CNOT7: variants seen among roughly 807,000 people sequenced by gnomAD.
CNOT7 encodes the protein CCR4-NOT transcription complex subunit 7.
In CNOT7, 4 loss-of-function variants were observed where a neutral mutation model predicts 37.1. The ratio of observed to expected loss-of-function variants is 0.11; its 90% CI spans 0.05 to 0.25. CNOT7 has a LOEUF of 0.25. Among genes scored for constraint, CNOT7 ranks in the 10% least tolerant of loss-of-function variants. The pLI, the probability that CNOT7 is intolerant of heterozygous loss-of-function variation, is 1.00. For missense variants in CNOT7, 170 were observed against 336.2 expected (o/e 0.51, Z 3.87); for synonymous variants, 128 against 115.6 (o/e 1.11, Z -0.69).
chr8:17,244,829 T>C, intron 2 of CNOT7: 1 of 486,914 alleles, frequency 2.1e-6, no homozygotes, highest in South Asian at 2.7e-5. Flanking sequence ...CCAGTGCGTT[T>C]TCCCTCACTG....
In CNOT7 at chr8:17,225,113, G is replaced by C. The variant is rs919389528; in HGVS notation, c.*5607C>G. On this transcript the variant is annotated 3_prime_UTR_variant, in exon 7 of 7. Coordinates refer to ENST00000361272, the MANE Select transcript of CNOT7 (RefSeq NM_013354.7). ...CCCATTAAAAGCACTTAAAACCTAT[G>C]ACATGGCTAGTAAGATGTAAAATAT... 3 of 151,702 alleles carry C rather than the reference G, an allele frequency of 2.0e-5. No homozygotes were observed. Among genetic ancestry groups the C allele is most frequent in the Admixed American group, 1.3e-4 (2 of 15,204 alleles). 9.4% of individuals were successfully genotyped at this position (151,702 alleles called of 1,614,324 possible). A position where few individuals can be genotyped will look rare whatever the true frequency, so the allele number is the denominator to read the frequency against.
chr8:17,243,770 T>G, intron 2 of CNOT7: 1 of 392,058 alleles, frequency 2.6e-6, no homozygotes. Context: ...CTCTTTATCA[T>G]CTGAGAAATC....
At chr8:17,243,232 A>G in intron 2 of CNOT7, 47 bp from the exon 3 acceptor site, 2 of 1,417,638 alleles carry the variant, frequency 1.4e-6, no homozygotes, top group Non-Finnish European at 1.9e-6. Context: ...AGTCAAAACT[A>G]CAATCCACAC....
In CNOT7 at chr8:17,228,304, A is replaced by G. The variant is rs1325566314; in HGVS notation, c.*2416T>C. On this transcript the variant is annotated 3_prime_UTR_variant, in exon 7 of 7. Transcript: ENST00000361272. ...TCAGTAACACTAAAATATCAGCCAAATATCTTACATCTGGAACCTAGACTT... is the reference window on the plus strand; with the variant it reads ...TCAGTAACACTAAAATATCAGCCAAGTATCTTACATCTGGAACCTAGACTT... 1 of 151,926 alleles carries G rather than the reference A, an allele frequency of 6.6e-6. No individual in the cohort carries two copies. The highest frequency in any genetic ancestry group is 1.5e-5 in the Non-Finnish European group (1 of 67,844). 9.4% of individuals were successfully genotyped at this position (151,926 alleles called of 1,614,324 possible). A position where few individuals can be genotyped will look rare whatever the true frequency, so the allele number is the denominator to read the frequency against.
At chr8:17,232,915 T>C (rs1000763516) in intron 5 of CNOT7, among the ~76,000 whole-genome samples, 1 of 152,186 alleles carries the variant, frequency 6.6e-6, no homozygotes, top group Non-Finnish European at 1.5e-5. Flanking sequence ...TAACACCATT[T>C]TTTTCATATT....
chr8:17,235,523 T>C (rs1435589385), intron 4 of CNOT7, among the ~76,000 whole-genome samples: 1 of 152,110 alleles, frequency 6.6e-6, no homozygotes, highest in Non-Finnish European at 1.5e-5. Context: ...ATAACTACTC[T>C]CTTGATCATA....
rs1808205560 is a variant in CNOT7 at position 17,227,035 on chromosome 8, C to G, written c.*3685G>C. The G allele has an allele frequency of 2.0e-5, 3 of 150,738 alleles. No individual in the cohort carries two copies. Among genetic ancestry groups the G allele is most frequent in the African/African-American group, 7.3e-5 (3 of 41,206 alleles). The allele number at this position is 150,738 out of a possible 1,614,324, so 9.3% of individuals were successfully genotyped here. A position where few individuals can be genotyped will look rare whatever the true frequency, so the allele number is the denominator to read the frequency against. On this transcript the variant is annotated 3_prime_UTR_variant, in exon 7 of 7. Transcript: ENST00000361272. ...TCACAAAAAAAAAAAAATCATGGAA[C>G]TGAAGATGGTTAAGTCCACAAGAGC... is the stretch of plus-strand genomic sequence containing the variant.
intron 4 of CNOT7, among the ~76,000 whole-genome samples, chr8:17,235,651 C>G (rs1211208425): frequency 6.6e-6 from 1 of 152,202 alleles, no homozygotes; most frequent in Non-Finnish European, 1.5e-5. Context: ...CCTTGTCTAC[C>G]TTTCCTTCCA....
chr8:17,242,139 G>A (rs924072204), intron 3 of CNOT7: 2 of 152,170 alleles, frequency 1.3e-5, no homozygotes, highest in Admixed American at 1.3e-4. Context: ...GAGGACCCGG[G>A]AGAAAATCCA....
chr8:17,236,231 G>A (rs538825350), intron 4 of CNOT7, among the ~76,000 whole-genome samples: 1 of 152,270 alleles, frequency 6.6e-6, no homozygotes, highest in South Asian at 2.1e-4. Context: ...ACAGATCAGA[G>A]ACAGAAACTA....
chr8:17,231,533 T>C, intron 6 of CNOT7: 5 of 985,196 alleles, frequency 5.1e-6, no homozygotes, highest in Non-Finnish European at 6.0e-6. Flanking sequence ...ACAGCTTTAA[T>C]GCTTTCTATT....
At chr8:17,243,992 C>T (rs1365450600) in intron 2 of CNOT7, among the ~76,000 whole-genome samples, 1 of 152,074 alleles carries the variant, frequency 6.6e-6, no homozygotes, top group Non-Finnish European at 1.5e-5. Flanking sequence ...CAAACTAGGG[C>T]TAGCTAAGAA....
intron 2 of CNOT7, among the ~76,000 whole-genome samples, chr8:17,243,953 C>A (rs533075948): frequency 7.0e-4 from 106 of 152,222 alleles, no homozygotes; most frequent in African/African-American, 2.3e-3. Context: ...AATACTGAGA[C>A]AAAGATACAT....
At chr8:17,242,051 C>G (rs1369764733) in intron 3 of CNOT7, 2 of 152,200 alleles carry the variant, frequency 1.3e-5, no homozygotes, top group Non-Finnish European at 2.9e-5. Context: ...CACAGATACA[C>G]CTACTCACTC....
intron 3 of CNOT7, among the ~76,000 whole-genome samples, chr8:17,240,646 G>C (rs1234542237): frequency 6.6e-6 from 1 of 152,104 alleles, no homozygotes; most frequent in South Asian, 2.1e-4. Context: ...TCCTTCTCAC[G>C]TACTGAGATC....
intron 6 of CNOT7, chr8:17,231,569 T>C (rs1808613380): frequency 1.0e-6 from 1 of 985,216 alleles, no homozygotes; most frequent in Non-Finnish European, 1.2e-6. Flanking sequence ...CAAAAAGTTT[T>C]AAATTCTCAG....
At chr8:17,232,563 C>G (rs1157501870) in intron 5 of CNOT7, 26 bp from the exon 6 acceptor site, 1 of 1,597,716 alleles carries the variant, frequency 6.3e-7, no homozygotes, top group South Asian at 1.1e-5. Flanking sequence ...AATTGCTTGT[C>G]AAGAAGAAAA....
At chr8:17,239,920 A>G (rs1809921778) in intron 3 of CNOT7, among the ~76,000 whole-genome samples, 1 of 152,236 alleles carries the variant, frequency 6.6e-6, no homozygotes, top group South Asian at 2.1e-4. Flanking sequence ...ATCAACTCCA[A>G]ATTCAGTTTG....
rs1193516134 is a variant in CNOT7 at position 17,227,555 on chromosome 8, T to C, written c.*3165A>G. On this transcript the variant is annotated 3_prime_UTR_variant, in exon 7 of 7. Transcript: ENST00000361272. ...AGCATTAGTAAATGGTTTTCTTTGC[T>C]TGGCTAACAAATAGGCTACTTGTAA... is the stretch of plus-strand genomic sequence containing the variant. The C allele has an allele frequency of 1.3e-5, 2 of 151,932 alleles. No homozygotes were observed. Among genetic ancestry groups the C allele is most frequent in the Non-Finnish European group, 2.9e-5 (2 of 67,824 alleles). 9.4% of individuals were successfully genotyped at this position (151,932 alleles called of 1,614,324 possible).
Sources: gnomAD v4.1 joint callset for allele counts (sites outside exome capture counted in the v4.1 genomes callset) on GRCh38, gnomAD v4.1.1 for gene constraint, MANE v1.5 for transcripts, NCBI Gene and HGNC (gene_info 2026-07-23, HGNC 2026-07-21) for gene names.